FAM153A: variants seen among roughly 807,000 people sequenced by gnomAD.
FAM153A encodes protein FAM153A.
Under a neutral mutation model 48.1 loss-of-function variants are expected in FAM153A, and 12 were observed. That is an observed-to-expected ratio of 0.25 (90% CI 0.16 to 0.40). FAM153A has a LOEUF of 0.40. FAM153A is among the 10% of genes least tolerant of loss of function. The pLI, the probability that FAM153A is intolerant of heterozygous loss-of-function variation, is 1.00. For synonymous variants in FAM153A, 36 were observed against 118.2 expected (o/e 0.30, Z 4.51); for missense variants, 111 against 345.8 (o/e 0.32, Z 5.38).
chr5:177,694,723 G>A, the FAM153A span, among the ~76,000 whole-genome samples: 1 of 94,694 alleles, frequency 1.1e-5, no homozygotes, highest in Non-Finnish European at 2.1e-5. Context: ...AGGGTCTGGT[G>A]ATAGCTGGGT....
At chr5:177,701,197 A>G in the FAM153A span, among the ~76,000 whole-genome samples, 1 of 151,860 alleles carries the variant, frequency 6.6e-6, no homozygotes, top group African/African-American at 2.4e-5. Context: ...AGGCCTCCCC[A>G]GAAGCAGAAG....
At chr5:177,753,073 T>A in intron 1 of FAM153A, 3 of 777,972 alleles carry the variant, frequency 3.9e-6, no homozygotes, top group Admixed American at 2.9e-5. Context: ...TGTAGACAAA[T>A]AGGAGCTGGG....
downstream of FAM153A, among the ~76,000 whole-genome samples, chr5:177,708,417 A>C (rs1758047441): frequency 6.6e-6 from 1 of 151,806 alleles, no homozygotes; most frequent in African/African-American, 2.4e-5. Context: ...CTCTACTAAA[A>C]ATACAGAAAA....
intron 1 of FAM153A, among the ~76,000 whole-genome samples, chr5:177,772,412 C>T (rs1403548421): frequency 1.7e-5 from 1 of 58,946 alleles, no homozygotes; most frequent in Non-Finnish European, 3.2e-5. Flanking sequence ...GCACCGTGCG[C>T]GAGCCGAAGC....
exon 27 of FAM153A, chr5:177,711,424 C>G (rs114914260): frequency 6.6e-6 from 1 of 151,878 alleles, no homozygotes; most frequent in Non-Finnish European, 1.5e-5. Flanking sequence ...CAAGGATAGA[C>G]CCATCTCATG....
At chr5:177,737,865 G>C (rs1341095012) in intron 10 of FAM153A, among the ~76,000 whole-genome samples, 1 of 151,670 alleles carries the variant, frequency 6.6e-6, no homozygotes, top group African/African-American at 2.4e-5. Context: ...TCAATGAGGA[G>C]ATTAATTCTA....
At chr5:177,734,732 C>T (rs1764412891) in intron 13 of FAM153A, 131 bp downstream of exon 15, 1 of 1,483,724 alleles carries the variant, frequency 6.7e-7, no homozygotes, top group Admixed American at 1.9e-5. Context: ...CAGACTCTCA[C>T]TTACCATTTC....
Position 177,727,114 on chromosome 5 carries a change from C to CT in FAM153A, c.964+1908dup, listed in dbSNP as rs1354172525. Among the ~76,000 whole-genome samples, 15 of 151,356 alleles carry CT rather than the reference C, an allele frequency of 9.9e-5. 1 individual carries two copies. The highest frequency in any genetic ancestry group is 3.2e-4 in the African/African-American group (13 of 40,690). ...ACCCAAAGATGAGGAAGATGTGACT[C>CT]TCCCCCCTGGTGATTCCTGGCAGAG... On this transcript the variant is annotated intron_variant, in intron 18 of 20. Transcript: ENST00000614127.
the FAM153A span, among the ~76,000 whole-genome samples, chr5:177,697,080 A>G: frequency 6.6e-6 from 1 of 151,840 alleles, no homozygotes; most frequent in African/African-American, 2.4e-5. Flanking sequence ...ATAAATATGG[A>G]TGTCCCCTCA....
chr5:177,697,207 A>G, the FAM153A span, among the ~76,000 whole-genome samples: 1 of 151,204 alleles, frequency 6.6e-6, no homozygotes, highest in Non-Finnish European at 1.5e-5. Flanking sequence ...TTGTATTGAT[A>G]CTATTATGAA....
At chr5:177,781,132 TG>T (rs1769602916), upstream of FAM153A, among the ~76,000 whole-genome samples, 2 of 97,488 alleles carry the variant, frequency 2.1e-5, no homozygotes, top group African/African-American at 4.0e-5. Context: ...CCGGGCGCGG[TG>T]GCTCACACCT....
At chr5:177,706,646 C>T (rs1327975694), downstream of FAM153A, 1 of 151,736 alleles carries the variant, frequency 6.6e-6, no homozygotes, top group East Asian at 1.9e-4. Flanking sequence ...TTTTGTTAAC[C>T]AGGACACACT....
chr5:177,729,978 TAAG>T (rs1035341277), intron 16 of FAM153A, among the ~76,000 whole-genome samples: 5 of 103,058 alleles, frequency 4.9e-5, no homozygotes, highest in African/African-American at 1.7e-4. Context: ...TTGTATGGAA[TAAG>T]AAGCAACCAT....
chr5:177,748,883 C>T (rs1334253028), intron 2 of FAM153A, among the ~76,000 whole-genome samples, 184 bp from the exon 5 acceptor site: 1 of 137,750 alleles, frequency 7.3e-6, no homozygotes, highest in African/African-American at 2.9e-5. Flanking sequence ...CAGGAAGCCA[C>T]AGAAGTCAGG....
chr5:177,711,759 A>G (rs1387721944), exon 27 of FAM153A: 2 of 151,930 alleles, frequency 1.3e-5, no homozygotes, highest in Non-Finnish European at 2.9e-5. Flanking sequence ...ATAGATAGCC[A>G]TTGTAGGTTC....
upstream of FAM153A, among the ~76,000 whole-genome samples, chr5:177,781,921 G>C (rs1436899662): frequency 1.1e-5 from 1 of 89,374 alleles, no homozygotes; most frequent in Non-Finnish European, 2.3e-5. Context: ...AGTAGAGACG[G>C]GGTTTCACCG....
At chr5:177,737,018 T>C (rs1764773194) in intron 11 of FAM153A, 24 bp downstream of exon 13, 1 of 1,415,710 alleles carries the variant, frequency 7.1e-7, no homozygotes, top group African/African-American at 1.7e-5. Context: ...AATTTCCTTT[T>C]CAGAGGAAAG....
chr5:177,758,716 G>A (rs1280213989), intron 1 of FAM153A, among the ~76,000 whole-genome samples: 1 of 150,954 alleles, frequency 6.6e-6, no homozygotes, highest in Non-Finnish European at 1.5e-5. Flanking sequence ...ACAAAAACAA[G>A]AAATGGGGAA....
chr5:177,728,401 C>A (rs541555310), intron 18 of FAM153A, among the ~76,000 whole-genome samples: 1 of 149,430 alleles, frequency 6.7e-6, no homozygotes, highest in African/African-American at 2.5e-5. Flanking sequence ...GGGAAATGCA[C>A]ACACACTCAC....
Sources: allele counts gnomAD v4.1 joint callset (sites outside exome capture counted in the v4.1 genomes callset), GRCh38; gene constraint gnomAD v4.1.1; transcripts MANE v1.5; gene names NCBI Gene and HGNC (gene_info 2026-07-23, HGNC 2026-07-21).